Variants in ATP8B4 observed in about 807,000 individuals in gnomAD.
The protein encoded by ATP8B4 is probable phospholipid-transporting ATPase IM.
A neutral mutation model predicts 145.6 loss-of-function variants in ATP8B4; 133 were observed. The observed-to-expected ratio is 0.91, with a 90% CI of 0.79 to 1.05. ATP8B4 has a LOEUF of 1.05. Ranked by LOEUF, ATP8B4 falls within the 50% of genes least tolerant of loss-of-function variation. The pLI is 0.00. For missense variants in ATP8B4, 1,458 were observed against 1,425.2 expected (o/e 1.02, Z -0.37); for synonymous variants, 507 against 492.9 (o/e 1.03, Z -0.38).
intron 1 of ATP8B4, among the ~76,000 whole-genome samples, chr15:50,179,729 A>G (rs1383987136): frequency 6.6e-6 from 1 of 152,228 alleles, no homozygotes; most frequent in Non-Finnish European, 1.5e-5. Flanking sequence ...ACCAAACAGT[A>G]CACAGTGAGA....
chr15:50,088,371 C>T (rs1375024915), intron 2 of ATP8B4, among the ~76,000 whole-genome samples: 1 of 150,992 alleles, frequency 6.6e-6, no homozygotes, highest in Non-Finnish European at 1.5e-5. Context: ...AACAAACAAA[C>T]AAAAAAACCC....
chr15:50,056,701 G>GTATATA (rs538243168), intron 3 of ATP8B4, among the ~76,000 whole-genome samples: 1 of 144,256 alleles, frequency 6.9e-6, no homozygotes, highest in African/African-American at 2.6e-5. Flanking sequence ...ATGTATATGT[G>GTATATA]TATATATATA....
chr15:50,057,212 C>A (rs980893302), intron 3 of ATP8B4, among the ~76,000 whole-genome samples: 1 of 152,132 alleles, frequency 6.6e-6, no homozygotes, highest in Non-Finnish European at 1.5e-5. Flanking sequence ...TACAGTGACA[C>A]CAGATAATGG....
chr15:49,978,419 T>C (rs1006381524), intron 12 of ATP8B4, among the ~76,000 whole-genome samples: 1 of 152,188 alleles, frequency 6.6e-6, no homozygotes, highest in Non-Finnish European at 1.5e-5. Flanking sequence ...ATGCCACTAC[T>C]TCAAGTGAAT....
intron 1 of ATP8B4, among the ~76,000 whole-genome samples, chr15:50,165,013 G>C (rs1209355561): frequency 6.6e-6 from 1 of 152,030 alleles, no homozygotes; most frequent in Non-Finnish European, 1.5e-5. Context: ...AGTTTCAAGA[G>C]TGTCTTTCCT....
intron 2 of ATP8B4, among the ~76,000 whole-genome samples, chr15:50,074,538 TTG>T (rs985219965): frequency 4.6e-5 from 7 of 152,200 alleles, no homozygotes; most frequent in African/African-American, 1.7e-4. Flanking sequence ...AAGGAATGCT[TTG>T]TGGGGTTTGT....
At chr15:50,140,297 G>A (rs10519262) in intron 1 of ATP8B4, among the ~76,000 whole-genome samples, 34,041 of 152,118 alleles carry the variant, frequency 0.22, 4,499 homozygotes, top group East Asian at 0.42. Flanking sequence ...GCAAAGCCTA[G>A]TAATGTGATA....
intron 1 of ATP8B4, among the ~76,000 whole-genome samples, chr15:50,179,014 G>A (rs1445102979): frequency 6.6e-6 from 1 of 152,146 alleles, no homozygotes. Context: ...GAGATTTACA[G>A]GGTTAGGATG....
intron 14 of ATP8B4, among the ~76,000 whole-genome samples, chr15:49,951,712 T>C (rs995041491): frequency 4.6e-5 from 7 of 152,204 alleles, no homozygotes; most frequent in African/African-American, 1.7e-4. Context: ...AGTATTGTTA[T>C]ATGTGAATTT....
At chr15:50,108,636 G>A (rs1289412838) in intron 1 of ATP8B4, among the ~76,000 whole-genome samples, 4 of 151,922 alleles carry the variant, frequency 2.6e-5, no homozygotes, top group African/African-American at 7.3e-5. Flanking sequence ...CCCTTTATCC[G>A]ACTAGCTCCT....
intron 1 of ATP8B4, among the ~76,000 whole-genome samples, chr15:50,174,264 C>T (rs750274539): frequency 6.6e-6 from 1 of 152,142 alleles, no homozygotes; most frequent in Non-Finnish European, 1.5e-5. Flanking sequence ...CACCACTCCT[C>T]TTCAGCATAG....
intron 1 of ATP8B4, among the ~76,000 whole-genome samples, chr15:50,158,571 C>T (rs2044466504): frequency 6.6e-6 from 1 of 151,788 alleles, no homozygotes; most frequent in Admixed American, 6.5e-5. Context: ...GTGAGGAGCC[C>T]CTCTGCCCGG....
intron 13 of ATP8B4, among the ~76,000 whole-genome samples, chr15:49,963,577 C>T (rs886261092): frequency 5.3e-5 from 8 of 152,214 alleles, no homozygotes; most frequent in East Asian, 3.9e-4. Context: ...ACTATGCAGC[C>T]GTGAAAAGGA....
chr15:50,115,674 G>T (rs1486739876), intron 1 of ATP8B4, among the ~76,000 whole-genome samples: 1 of 152,066 alleles, frequency 6.6e-6, no homozygotes, highest in Non-Finnish European at 1.5e-5. Context: ...GGCAAGGCAG[G>T]TAAGAGCTGG....
intron 1 of ATP8B4, among the ~76,000 whole-genome samples, chr15:50,164,892 C>T (rs1364697734): frequency 2.0e-5 from 3 of 152,136 alleles, no homozygotes; most frequent in Non-Finnish European, 4.4e-5. Context: ...TCCTGAGTTC[C>T]AATGCAAAGT....
chr15:50,166,348 T>G (rs1030954742), intron 1 of ATP8B4, among the ~76,000 whole-genome samples: 3 of 152,208 alleles, frequency 2.0e-5, no homozygotes, highest in Non-Finnish European at 4.4e-5. Context: ...GATATAATCT[T>G]GCCACACAAG....
At chr15:50,176,285 C>T (rs945889131) in intron 1 of ATP8B4, among the ~76,000 whole-genome samples, 6 of 152,016 alleles carry the variant, frequency 3.9e-5, no homozygotes, top group Non-Finnish European at 4.4e-5. Context: ...AGCCAAACAT[C>T]GTATGTTCTC....
chr15:50,070,763 T>C (rs1361006733), intron 3 of ATP8B4, among the ~76,000 whole-genome samples: 6 of 152,158 alleles, frequency 3.9e-5, no homozygotes, highest in East Asian at 3.8e-4. Flanking sequence ...TTTTTTGACA[T>C]GGAGTCTCAC....
At chr15:50,014,231 A>C (rs1003219968) in intron 6 of ATP8B4, among the ~76,000 whole-genome samples, 5 of 152,136 alleles carry the variant, frequency 3.3e-5, no homozygotes, top group Non-Finnish European at 5.9e-5. Context: ...CCAATTAACC[A>C]ATCAATCCAC....
Sources: gnomAD v4.1 joint callset for allele counts (sites outside exome capture counted in the v4.1 genomes callset) on GRCh38, gnomAD v4.1.1 for gene constraint, MANE v1.5 for transcripts, NCBI Gene and HGNC (gene_info 2026-07-23, HGNC 2026-07-21) for gene names.